The following GPHN variants were observed in gnomAD, a reference collection of about 807,000 sequenced individuals.
GPHN encodes the protein gephyrin.
Under a neutral mutation model 95.5 loss-of-function variants are expected in GPHN, and 17 were observed. The ratio of observed to expected loss-of-function variants is 0.18; its 90% CI spans 0.12 to 0.27. GPHN has a LOEUF of 0.27. Ranked by LOEUF, GPHN falls within the 10% of genes least tolerant of loss-of-function variation. The pLI, the probability that GPHN is intolerant of heterozygous loss-of-function variation, is 1.00. For missense variants in GPHN, 660 were observed against 978.1 expected (o/e 0.67, Z 4.34); for synonymous variants, 320 against 322.5 (o/e 0.99, Z 0.08).
chr14:67,172,041 CTG>C (rs2082631562), intron 21 of GPHN, among the ~76,000 whole-genome samples: 1 of 152,182 alleles, frequency 6.6e-6, no homozygotes, highest in Non-Finnish European at 1.5e-5. Flanking sequence ...GCTCCAACCT[CTG>C]TGGCCTGTGC....
chr14:66,733,327 A>G (rs1283944844), intron 2 of GPHN, among the ~76,000 whole-genome samples: 1 of 150,026 alleles, frequency 6.7e-6, no homozygotes, highest in East Asian at 1.9e-4. Flanking sequence ...TTTGTAAATT[A>G]CCCTGTCTCA....
the GPHN span, among the ~76,000 whole-genome samples, chr14:67,706,502 G>A: frequency 0.12 from 18,878 of 152,168 alleles, 1,209 homozygotes; most frequent in Admixed American, 0.15. Flanking sequence ...AATGAACATC[G>A]GTTTGGTCTG....
intron 1 of GPHN, among the ~76,000 whole-genome samples, chr14:66,578,634 C>T (rs2061005076): frequency 7.8e-6 from 1 of 129,018 alleles, no homozygotes; most frequent in Non-Finnish European, 1.6e-5. Flanking sequence ...AACAGAAACC[C>T]TGCAGGTCAG....
chr14:67,021,085 A>C (rs1001274584), intron 9 of GPHN, among the ~76,000 whole-genome samples: 3 of 152,124 alleles, frequency 2.0e-5, no homozygotes, highest in Non-Finnish European at 4.4e-5. Flanking sequence ...AAATTGTATA[A>C]AATTAAGTAC....
chr14:67,383,199 T>C, the GPHN span: 6 of 1,161,894 alleles, frequency 5.2e-6, no homozygotes, highest in African/African-American at 6.2e-5. Context: ...TGAACAGATA[T>C]GACAGAGTTG....
At chr14:67,374,671 C>A in the GPHN span, 2 of 604,166 alleles carry the variant, frequency 3.3e-6, no homozygotes, top group Non-Finnish European at 2.6e-6. Flanking sequence ...CAAATTAGTA[C>A]TAGAAGTGTT....
chr14:67,684,543 A>G, the GPHN span: 1 of 152,074 alleles, frequency 6.6e-6, no homozygotes, highest in South Asian at 2.1e-4. Context: ...GGGAGTCCAT[A>G]GTATTTCAAT....
chr14:66,634,438 A>T (rs1191526706), intron 1 of GPHN, among the ~76,000 whole-genome samples: 2 of 151,758 alleles, frequency 1.3e-5, no homozygotes, highest in African/African-American at 4.8e-5. Context: ...GATTGTGGTG[A>T]GACTTTGGTG....
At chr14:67,358,753 A>G in the GPHN span, among the ~76,000 whole-genome samples, 1 of 152,226 alleles carries the variant, frequency 6.6e-6, no homozygotes, top group Non-Finnish European at 1.5e-5. Flanking sequence ...GAAAGGGAGC[A>G]AGTTGTTAGG....
intron 9 of GPHN, among the ~76,000 whole-genome samples, chr14:67,002,309 C>CTTTTTTT (rs1177817698): frequency 1.0e-4 from 6 of 58,758 alleles, no homozygotes; most frequent in Non-Finnish European, 1.3e-4. Flanking sequence ...CTTTGTGTTG[C>CTTTTTTT]TTTTTTTTTT....
chr14:67,463,387 C>A, the GPHN span, among the ~76,000 whole-genome samples: 1 of 152,190 alleles, frequency 6.6e-6, no homozygotes, highest in African/African-American at 2.4e-5. Context: ...CGCCTGTAAT[C>A]CCAGCACTTT....
chr14:67,275,853 G>A, the GPHN span, among the ~76,000 whole-genome samples: 2 of 152,106 alleles, frequency 1.3e-5, no homozygotes, highest in East Asian at 3.8e-4. Flanking sequence ...TCTTGGGAGG[G>A]TATATGTGTC....
the GPHN span, chr14:67,645,890 T>C: frequency 2.0e-6 from 3 of 1,472,964 alleles, no homozygotes; most frequent in South Asian, 1.3e-5. Context: ...TGGTGAAGGG[T>C]GGGTTGAGTG....
At chr14:67,585,778 A>G in the GPHN span, 1 of 995,804 alleles carries the variant, frequency 1.0e-6, no homozygotes, top group Non-Finnish European at 1.5e-6. Context: ...CTCCTGCCCA[A>G]GCACCAGTCC....
At chr14:66,636,450 T>C (rs546717050) in intron 1 of GPHN, among the ~76,000 whole-genome samples, 1 of 152,166 alleles carries the variant, frequency 6.6e-6, no homozygotes, top group Non-Finnish European at 1.5e-5. Flanking sequence ...TTATACTCAG[T>C]CAGCAGATTC....
the GPHN span, chr14:67,619,800 G>C: frequency 1.8e-6 from 1 of 551,018 alleles, no homozygotes; most frequent in Non-Finnish European, 3.2e-6. Context: ...CGGGGCCTGC[G>C]AAGAAGGTGT....
At chr14:66,639,130 A>ATATATATATG (rs1238759307) in intron 1 of GPHN, among the ~76,000 whole-genome samples, 1 of 151,482 alleles carries the variant, frequency 6.6e-6, no homozygotes, top group Admixed American at 6.6e-5. Flanking sequence ...AAATATATAT[A>ATATATATATG]TATATATGCA....
the GPHN span, chr14:67,581,091 C>A: frequency 8.8e-7 from 1 of 1,134,786 alleles, no homozygotes; most frequent in Non-Finnish European, 1.3e-6. Flanking sequence ...CCACTGGGTG[C>A]CAGCTCATCG....
chr14:67,106,875 A>C (rs1286817569), intron 13 of GPHN, among the ~76,000 whole-genome samples: 2 of 151,504 alleles, frequency 1.3e-5, no homozygotes, highest in African/African-American at 2.4e-5. Context: ...TAGTGGTGTC[A>C]TATTTCCTTG....
Sources: gnomAD v4.1 joint callset for allele counts (sites outside exome capture counted in the v4.1 genomes callset) on GRCh38, gnomAD v4.1.1 for gene constraint, MANE v1.5 for transcripts, NCBI Gene and HGNC (gene_info 2026-07-23, HGNC 2026-07-21) for gene names.